The following MAML2 variants were observed in gnomAD, a reference collection of about 807,000 sequenced individuals.
The protein encoded by MAML2 is mastermind like transcriptional coactivator 2, also known as mastermind-like protein 2.
A neutral mutation model predicts 96.1 loss-of-function variants in MAML2; 22 were observed. That is an observed-to-expected ratio of 0.23 (90% CI 0.16 to 0.33). The LOEUF (loss-of-function observed/expected upper bound fraction) is 0.33. Among genes scored for constraint, MAML2 ranks in the 10% least tolerant of loss-of-function variants. MAML2 has a pLI of 1.00. For missense variants in MAML2, 1,367 were observed against 1,392.4 expected (o/e 0.98, Z 0.29); for synonymous variants, 561 against 521.3 (o/e 1.08, Z -1.04).
At chr11:96,080,889 G>A (rs1859519869) in intron 2 of MAML2, among the ~76,000 whole-genome samples, 1 of 152,184 alleles carries the variant, frequency 6.6e-6, no homozygotes, top group South Asian at 2.1e-4. Context: ...TGATTCTGAG[G>A]TAGACACTCC....
chr11:96,216,556 A>G (rs1251585245), intron 1 of MAML2, among the ~76,000 whole-genome samples: 1 of 152,166 alleles, frequency 6.6e-6, no homozygotes, highest in African/African-American at 2.4e-5. Context: ...CTGGTATTCT[A>G]TTTATCCATA....
chr11:96,236,084 C>G (rs1301536235), intron 1 of MAML2, among the ~76,000 whole-genome samples: 3 of 152,192 alleles, frequency 2.0e-5, no homozygotes, highest in Non-Finnish European at 4.4e-5. Context: ...ACTGAAGGAG[C>G]ACTTTGAATT....
intron 1 of MAML2, among the ~76,000 whole-genome samples, chr11:96,210,871 C>T (rs1170003972): frequency 6.6e-6 from 1 of 152,156 alleles, no homozygotes; most frequent in Non-Finnish European, 1.5e-5. Flanking sequence ...TACTCTATAG[C>T]ATATGTGAAT....
intron 1 of MAML2, among the ~76,000 whole-genome samples, chr11:96,094,051 A>G (rs901062657): frequency 2.0e-5 from 3 of 152,096 alleles, no homozygotes; most frequent in Non-Finnish European, 4.4e-5. Context: ...TAATTAGAAT[A>G]GTTCTCAGGC....
At chr11:96,277,146 A>C (rs1308508730) in intron 1 of MAML2, among the ~76,000 whole-genome samples, 1 of 152,208 alleles carries the variant, frequency 6.6e-6, no homozygotes, top group Non-Finnish European at 1.5e-5. Flanking sequence ...CACCCACGGA[A>C]TGTGTTGAGA....
intron 1 of MAML2, among the ~76,000 whole-genome samples, chr11:96,332,064 T>C (rs1014955399): frequency 1.3e-5 from 2 of 152,182 alleles, no homozygotes; most frequent in African/African-American, 4.8e-5. Flanking sequence ...CAGTGAGCAA[T>C]CAGAACTCCT....
At chr11:96,207,060 A>G (rs1205059505) in intron 1 of MAML2, among the ~76,000 whole-genome samples, 1 of 152,238 alleles carries the variant, frequency 6.6e-6, no homozygotes, top group Non-Finnish European at 1.5e-5. Context: ...GAAAGATGTT[A>G]AGTCTGCTTC....
intron 1 of MAML2, among the ~76,000 whole-genome samples, chr11:96,217,644 A>C (rs935923690): frequency 3.6e-4 from 55 of 152,222 alleles, no homozygotes; most frequent in African/African-American, 1.3e-3. Context: ...GGAGTAGGTG[A>C]AGGTGAATAA....
chr11:95,986,121 C>T (rs1412227448), intron 3 of MAML2, among the ~76,000 whole-genome samples: 1 of 152,158 alleles, frequency 6.6e-6, no homozygotes, highest in Non-Finnish European at 1.5e-5. Context: ...ATTCTGGTCC[C>T]ACACAGTGGG....
rs550578037 is a variant in MAML2, at chr11:96,039,721, C to T, written c.2140-47998G>A. On this transcript the variant is annotated intron_variant, in intron 2 of 4. Transcript: ENST00000524717. ...CAGCACTTTGGGAGGCCAAGGCAGG[C>T]GGATCACGAGGTCAGGAGATCGAGA... 2.9e-4 allele frequency among the ~76,000 whole-genome samples: 44 copies of T among 152,022 alleles called. No homozygotes were observed. The South Asian group carries it at 7.3e-3, about 25-fold the overall frequency.
chr11:96,312,244 A>AAAAAAAAAAAAAT (rs60194294), intron 1 of MAML2, among the ~76,000 whole-genome samples: 2 of 147,740 alleles, frequency 1.4e-5, no homozygotes, highest in African/African-American at 5.0e-5. Flanking sequence ...AAAAAAAAAA[A>AAAAAAAAAAAAAT]GAATGAGCAA....
intron 1 of MAML2, among the ~76,000 whole-genome samples, chr11:96,136,508 A>T (rs1860635605): frequency 6.6e-6 from 1 of 152,076 alleles, no homozygotes; most frequent in Admixed American, 6.6e-5. Context: ...CCAAACTACA[A>T]CTGCTACATA....
intron 1 of MAML2, among the ~76,000 whole-genome samples, chr11:96,138,626 G>A (rs553736775): frequency 6.6e-6 from 1 of 152,210 alleles, no homozygotes; most frequent in East Asian, 1.9e-4. Context: ...GAAAGATGGG[G>A]GGGTTGGTGA....
At chr11:96,150,398 G>C (rs1470927615) in intron 1 of MAML2, among the ~76,000 whole-genome samples, 1 of 152,174 alleles carries the variant, frequency 6.6e-6, no homozygotes, top group African/African-American at 2.4e-5. Flanking sequence ...AGTGGGTTAG[G>C]GTGCCCGGGA....
chr11:96,183,746 C>G (rs1392244252), intron 1 of MAML2, among the ~76,000 whole-genome samples: 1 of 152,104 alleles, frequency 6.6e-6, no homozygotes, highest in African/African-American at 2.4e-5. Context: ...TCAGAGCAGT[C>G]TTAGGTTTAC....
intron 2 of MAML2, among the ~76,000 whole-genome samples, chr11:96,011,969 G>A (rs1183692236): frequency 6.6e-6 from 1 of 152,148 alleles, no homozygotes; most frequent in Non-Finnish European, 1.5e-5. Flanking sequence ...AAAGGTGTGT[G>A]GGTGTGTTGA....
chr11:95,993,340 G>C (rs1340026492), intron 2 of MAML2, among the ~76,000 whole-genome samples: 2 of 152,192 alleles, frequency 1.3e-5, no homozygotes, highest in African/African-American at 4.8e-5. Context: ...GGCCGAGGCA[G>C]GTGGTTCACC....
chr11:96,244,057 C>A (rs1379480952), intron 1 of MAML2, among the ~76,000 whole-genome samples: 14 of 152,184 alleles, frequency 9.2e-5, no homozygotes, highest in Admixed American at 9.2e-4. Flanking sequence ...CTTATTCCTT[C>A]GCCTAAAAAT....
intron 2 of MAML2, among the ~76,000 whole-genome samples, chr11:96,014,139 T>C (rs952238366): frequency 1.3e-5 from 2 of 152,132 alleles, no homozygotes; most frequent in Admixed American, 1.3e-4. Context: ...CACTTCCCCA[T>C]CTCACACCCT....
Sources: allele counts gnomAD v4.1 joint callset (sites outside exome capture counted in the v4.1 genomes callset), GRCh38; gene constraint gnomAD v4.1.1; transcripts MANE v1.5; gene names NCBI Gene and HGNC (gene_info 2026-07-23, HGNC 2026-07-21).